The following EPHA8 variants were observed in gnomAD, a reference collection of about 807,000 sequenced individuals.
EPHA8 encodes the protein EPH receptor A8.
EPHA8 carries 58 observed loss-of-function variants against 103.6 expected under a neutral mutation model. That is an observed-to-expected ratio of 0.56 (90% CI 0.45 to 0.70). The LOEUF (loss-of-function observed/expected upper bound fraction) is 0.70, where lower values mean the gene tolerates loss of function less well. Ranked by LOEUF, EPHA8 falls within the 30% of genes least tolerant of loss-of-function variation. The probability of loss-of-function intolerance (pLI) is 0.00; values close to 1 mark genes in which losing one functional copy is unlikely to be tolerated. For missense variants in EPHA8, 1,304 were observed against 1,395.2 expected (o/e 0.93, Z 1.04); for synonymous variants, 559 against 572.5 (o/e 0.98, Z 0.34).
chr1:22,601,611 C>T lies in EPHA8; in HGVS notation c.2904-16C>T. 6.3e-7 allele frequency: 1 copy of T among 1,584,622 alleles called. No individual in the cohort carries two copies. On this transcript the variant is annotated splice_polypyrimidine_tract_variant and intron_variant, in intron 16 of 16. Coordinates refer to ENST00000166244, the MANE Select transcript of EPHA8 (RefSeq NM_020526.5). The stretch of plus-strand genomic sequence containing the variant: ...CCTCCCAGGCCCAGCTGGCCAGCAG[C>T]ACCCTTCCTTCACAGGGACGTGCGC...
At chr1:22,573,161 G>C (rs1216316869) in intron 2 of EPHA8, among the ~76,000 whole-genome samples, 1 of 152,180 alleles carries the variant, frequency 6.6e-6, no homozygotes, top group Admixed American at 6.5e-5. Flanking sequence ...AGACTCGGAA[G>C]CCTAAACTCT....
rs1641568928 is a variant in EPHA8, at chr1:22,597,923, G to T, written c.2116+62G>T. ...CCCCTCCTGCCTGGAGAGGCCTCTG[G>T]GTCCATCCCCTCATCCATCCTGCTC... On this transcript the variant is annotated intron_variant, in intron 11 of 16. Coordinates refer to ENST00000166244, the MANE Select transcript of EPHA8 (RefSeq NM_020526.5). The surrounding 1 kb of genome is among the most constrained non-coding windows in gnomAD (Gnocchi z 4.6). 3.2e-6 allele frequency: 5 copies of T among 1,565,624 alleles called. No individual in the cohort carries two copies. The highest frequency in any genetic ancestry group is 1.8e-5 in the Admixed American group (1 of 56,244).
chr1:22,598,319 C>A lies in EPHA8; in HGVS notation c.2178+107C>A. The A allele has an allele frequency of 8.8e-7, 1 of 1,141,970 alleles. No individual in the cohort carries two copies. Among genetic ancestry groups the A allele is most frequent in the Non-Finnish European group, 1.3e-6 (1 of 793,766 alleles). 70.7% of individuals were successfully genotyped at this position (1,141,970 alleles called of 1,614,324 possible). A position where few individuals can be genotyped will look rare whatever the true frequency, so the allele number is the denominator to read the frequency against. On this transcript the variant is annotated intron_variant, in intron 12 of 16. Transcript: ENST00000166244. The surrounding 1 kb of genome is among the most constrained non-coding windows in gnomAD (Gnocchi z 5.1). Reference sequence around the variant, plus strand: ...TAAGCCCCCTCCCTGGCTTGGACACCACAGGCCGGGGGACAGGAGGCAGGT... The same window carrying A: ...TAAGCCCCCTCCCTGGCTTGGACACAACAGGCCGGGGGACAGGAGGCAGGT...
Position 22,593,458 on chromosome 1 carries a change from G to A in EPHA8, c.1440+8G>A, listed in dbSNP as rs751955835. 57 of 1,610,312 alleles carry A rather than the reference G, an allele frequency of 3.5e-5. No individual in the cohort carries two copies. Among genetic ancestry groups the A allele is most frequent in the Non-Finnish European group, 4.3e-5 (51 of 1,178,108 alleles). On this transcript the variant is annotated splice_region_variant and intron_variant, in intron 6 of 16. Transcript: ENST00000166244. The stretch of plus-strand genomic sequence containing the variant: ...ATCAAGTACTACGAGAAGGTACCAC[G>A]GGCAGGACGGAGTGGGAGGGGCTGG...
intron 3 of EPHA8, among the ~76,000 whole-genome samples, chr1:22,579,021 G>T (rs933438106): frequency 1.4e-5 from 2 of 145,090 alleles, no homozygotes; most frequent in African/African-American, 5.0e-5. Context: ...GTGCATATGT[G>T]CAAGAGTATG....
At chr1:22,580,402 G>T in intron 3 of EPHA8, among the ~76,000 whole-genome samples, 1 of 152,104 alleles carries the variant, frequency 6.6e-6, no homozygotes, top group East Asian at 1.9e-4. Flanking sequence ...GCCTCCCAAA[G>T]TGCTGGGATT....
intron 3 of EPHA8, among the ~76,000 whole-genome samples, chr1:22,580,671 C>T (rs1325705015): frequency 6.6e-6 from 1 of 152,216 alleles, no homozygotes; most frequent in African/African-American, 2.4e-5. Flanking sequence ...AACCAACACC[C>T]CTATTGCCTT....
chr1:22,573,629 C>T (rs1012508847), intron 2 of EPHA8, among the ~76,000 whole-genome samples: 11 of 152,242 alleles, frequency 7.2e-5, no homozygotes, highest in African/African-American at 2.4e-4. Flanking sequence ...GTGGAGGAAC[C>T]AGGACAGGGG....
At chr1:22,578,426 G>A (rs529827185) in intron 3 of EPHA8, among the ~76,000 whole-genome samples, 7 of 145,444 alleles carry the variant, frequency 4.8e-5, no homozygotes, top group Admixed American at 2.0e-4. Flanking sequence ...GCATGTGTAC[G>A]TATGTGTACG....
rs148691614 is a variant in EPHA8, at chr1:22,600,483, G to A, written c.2389-178G>A. On this transcript the variant is annotated intron_variant, in intron 13 of 16. Transcript: ENST00000166244. ...AGGCGTCTCACTCCCTCCTTCCTTC[G>A]TCTCCACAGCGGCTCTTGTGAGGCC... Among the ~76,000 whole-genome samples the A allele has an allele frequency of 2.1e-3, 320 of 152,080 alleles. 2 individuals carry two copies. The highest frequency in any genetic ancestry group is 7.0e-3 in the African/African-American group (290 of 41,478).
At position 22,593,698 on chromosome 1, in the gene EPHA8, G is replaced by A; in HGVS notation, c.1603+12G>A. Reference sequence around the variant, plus strand: ...GACCGGGAAACCCCGTGAGTGCAGGGAGGGGGCGTGGGCGCGGAGCAGCCC... The same window carrying A: ...GACCGGGAAACCCCGTGAGTGCAGGAAGGGGGCGTGGGCGCGGAGCAGCCC... On this transcript the variant is annotated intron_variant, in intron 7 of 16. Coordinates refer to ENST00000166244, the MANE Select transcript of EPHA8 (RefSeq NM_020526.5). The A allele has an allele frequency of 6.4e-7, 1 of 1,574,558 alleles. No individual in the cohort carries two copies. Among genetic ancestry groups the A allele is most frequent in the Non-Finnish European group, 8.6e-7 (1 of 1,159,586 alleles).
At position 22,582,898 on chromosome 1, in the gene EPHA8, A is replaced by G. The variant is rs588187; in HGVS notation, c.824-3582A>G. Among the ~76,000 whole-genome samples, 1,405 of 152,364 alleles carry G rather than the reference A, an allele frequency of 9.2e-3. 20 individuals carry two copies. The highest frequency in any genetic ancestry group is 0.032 in the African/African-American group (1,334 of 41,588). ...CCTTCGCGGCCCTAATCATCTTTCT[A>G]TAAATATCAGAGAGTCTCATTTCGG... On this transcript the variant is annotated intron_variant, in intron 3 of 16. Transcript: ENST00000166244.
rs1354829564 is a variant in EPHA8 at position 22,598,671 on chromosome 1, C to T, written c.2179-167C>T. On this transcript the variant is annotated intron_variant, in intron 12 of 16. Transcript: ENST00000166244. This position sits in a 1 kb window ranked among gnomAD's most constrained non-coding sequence, Gnocchi z 5.1. ...GGGTTGCTGTGAGGGTAAATGAGAC[C>T]AGGAGAATAACCCTTAACTGCAAAG... is the stretch of plus-strand genomic sequence containing the variant. 6.6e-6 allele frequency among the ~76,000 whole-genome samples: 1 copy of T among 152,166 alleles called. No individual in the cohort carries two copies. Among genetic ancestry groups the T allele is most frequent in the Non-Finnish European group, 1.5e-5 (1 of 68,030 alleles).
At position 22,598,883 on chromosome 1, in the gene EPHA8, A is replaced by C; in HGVS notation, c.2224A>C (p.Arg742=). 6.2e-7 allele frequency: 1 copy of C among 1,612,822 alleles called. No individual in the cohort carries two copies. Among genetic ancestry groups the C allele is most frequent in the Non-Finnish European group, 8.5e-7 (1 of 1,179,882 alleles). The change falls in exon 13 of 17, where the codon AGA becomes CGA. Residue 742 remains arginine (R), a synonymous_variant. Transcript: ENST00000166244. This position sits in a 1 kb window ranked among gnomAD's most constrained non-coding sequence, Gnocchi z 5.1. ...CATCATGCAGCTGGTGGGCATGCTGAGAGGAGTGGGTGCCGGCATGCGCTA... is the reference window on the plus strand; with the variant it reads ...CATCATGCAGCTGGTGGGCATGCTGCGAGGAGTGGGTGCCGGCATGCGCTA... ...FTIMQLVGML[R]GVGAGMRYLS...
At chr1:22,578,144 ATG>A (rs1220268436) in intron 3 of EPHA8, among the ~76,000 whole-genome samples, 81 of 66,194 alleles carry the variant, frequency 1.2e-3, no homozygotes, top group Admixed American at 5.3e-3. Context: ...GCATGTGTGT[ATG>A]TGTGCGTGTG....
At chr1:22,580,831 G>A (rs1270410307) in intron 3 of EPHA8, among the ~76,000 whole-genome samples, 2 of 152,260 alleles carry the variant, frequency 1.3e-5, no homozygotes, top group Non-Finnish European at 2.9e-5. Flanking sequence ...GCTGGAGCCT[G>A]AAGACAGGTC....
At position 22,576,573 on chromosome 1, in the gene EPHA8, T is replaced by C. The variant is rs570237058; in HGVS notation, c.516T>C (p.Ser172=). 1 of 1,614,090 alleles carries C rather than the reference T, an allele frequency of 6.2e-7. No homozygotes were observed. Among genetic ancestry groups the C allele is most frequent in the Admixed American group, 1.7e-5 (1 of 60,020 alleles). Reference sequence around the variant, plus strand: ...TCAAGCTCAACACGGAGGTGCGCAGTGTGGGTCCCCTCAGCAAGCGCGGCT... The same window carrying C: ...TCAAGCTCAACACGGAGGTGCGCAGCGTGGGTCCCCTCAGCAAGCGCGGCT... ...RRLKLNTEVR[S]VGPLSKRGFY... Residue 172 remains serine, a synonymous_variant, in exon 3 of 17, where the codon AGT becomes AGC. Transcript: ENST00000166244. This position sits in a 1 kb window ranked among gnomAD's most constrained non-coding sequence, Gnocchi z 4.8.
chr1:22,587,734 C>T (rs896133084), intron 4 of EPHA8, among the ~76,000 whole-genome samples: 19 of 152,192 alleles, frequency 1.2e-4, no homozygotes, highest in South Asian at 2.1e-4. Context: ...CCCCATCTCC[C>T]GCTCCCATAC....
chr1:22,601,230 C>A (rs1641717929), intron 15 of EPHA8, 70 bp from the exon 16 acceptor site: 1 of 1,544,604 alleles, frequency 6.5e-7, no homozygotes, highest in South Asian at 1.3e-5. Context: ...ACCCCTTCCT[C>A]AGCCTGCTTC....
Sources: gnomAD v4.1 joint callset for allele counts (sites outside exome capture counted in the v4.1 genomes callset) on GRCh38, gnomAD v4.1.1 for gene constraint, Gnocchi (gnomAD v3.1) non-coding constraint, MANE v1.5 for transcripts, NCBI Gene and HGNC (gene_info 2026-07-23, HGNC 2026-07-21) for gene names.